Variants in SLX4IP observed in about 807,000 individuals in gnomAD.
SLX4IP encodes SLX4 interacting protein, also known as protein SLX4IP.
Under a neutral mutation model 32.9 loss-of-function variants are expected in SLX4IP, and 34 were observed. That is an observed-to-expected ratio of 1.03 (90% CI 0.79 to 1.38). The LOEUF is 1.38. SLX4IP is among the 40% of genes most tolerant of loss of function. SLX4IP has a pLI of 0.00. For missense variants in SLX4IP, 444 were observed against 479.0 expected (o/e 0.93, Z 0.68); for synonymous variants, 172 against 171.7 (o/e 1.00, Z -0.01).
At position 10,556,230 on chromosome 20, in the gene SLX4IP, G is replaced by C. The variant is rs1451489816; in HGVS notation, c.28-1G>C. The C allele has an allele frequency of 6.2e-7, 1 of 1,613,070 alleles. No individual in the cohort carries two copies. Among genetic ancestry groups the C allele is most frequent in the East Asian group, 2.2e-5 (1 of 44,850 alleles). ...CTGACTCTGCCATTAATGTCTTTCAGTGTGGGAATTTTGCTGTCCTCGTGG... is the reference window on the plus strand; with the variant it reads ...CTGACTCTGCCATTAATGTCTTTCACTGTGGGAATTTTGCTGTCCTCGTGG... On this transcript the variant is annotated splice_acceptor_variant, in intron 2 of 7. Coordinates refer to ENST00000334534, the MANE Select transcript of SLX4IP (RefSeq NM_001009608.3). LOFTEE classifies it high-confidence loss of function.
chr20:10,463,770 G>A (rs554934955), intron 2 of SLX4IP, among the ~76,000 whole-genome samples: 52 of 152,246 alleles, frequency 3.4e-4, no homozygotes, highest in South Asian at 8.3e-4. Context: ...AGTATACTAC[G>A]TGGCTCAACT....
intron 2 of SLX4IP, among the ~76,000 whole-genome samples, chr20:10,475,198 C>G (rs1568698509): frequency 6.6e-6 from 1 of 151,792 alleles, no homozygotes; most frequent in Admixed American, 6.5e-5. Context: ...CGGCCACCAT[C>G]AGTTTGGTGT....
chr20:10,508,590 C>G (rs1482501734), intron 2 of SLX4IP, among the ~76,000 whole-genome samples: 1 of 152,156 alleles, frequency 6.6e-6, no homozygotes, highest in African/African-American at 2.4e-5. Flanking sequence ...CATTCATGCT[C>G]CCGGGGGCTG....
rs2067155881 is a variant in SLX4IP, at chr20:10,624,920, C to T, written c.*1541C>T. On this transcript the variant is annotated 3_prime_UTR_variant, in exon 8 of 8. Transcript: ENST00000334534. ...TACTGTTACTTTAATGTTCCAAACC[C>T]TGCCTAGAAACCTGTTCCTGTCCCA... is the stretch of plus-strand genomic sequence containing the variant. 1 of 152,286 alleles carries T rather than the reference C, an allele frequency of 6.6e-6. No homozygotes were observed. The highest frequency in any genetic ancestry group is 6.5e-5 in the Admixed American group (1 of 15,276). 9.4% of individuals were successfully genotyped at this position (152,286 alleles called of 1,614,324 possible).
chr20:10,539,225 T>C (rs577184025), intron 2 of SLX4IP, among the ~76,000 whole-genome samples: 1 of 152,200 alleles, frequency 6.6e-6, no homozygotes, highest in East Asian at 1.9e-4. Flanking sequence ...AAAAAGGCAT[T>C]CAAGGAGGAT....
chr20:10,574,765 C>T (rs527480371), intron 4 of SLX4IP, among the ~76,000 whole-genome samples: 1 of 152,224 alleles, frequency 6.6e-6, no homozygotes, highest in South Asian at 2.1e-4. Context: ...CACCACCTCC[C>T]AGGTTCAGGT....
intron 2 of SLX4IP, among the ~76,000 whole-genome samples, chr20:10,493,700 G>T (rs1177737939): frequency 6.6e-6 from 1 of 151,998 alleles, no homozygotes; most frequent in Non-Finnish European, 1.5e-5. Flanking sequence ...GACTTTAATG[G>T]AAATAATTTT....
At chr20:10,609,517 A>G (rs1367521408) in intron 6 of SLX4IP, among the ~76,000 whole-genome samples, 3 of 152,156 alleles carry the variant, frequency 2.0e-5, no homozygotes, top group Admixed American at 6.5e-5. Context: ...AAATGAGACA[A>G]TCATCTGTGG....
chr20:10,570,747 TG>T (rs2122513981), intron 4 of SLX4IP, among the ~76,000 whole-genome samples: 1 of 152,276 alleles, frequency 6.6e-6, no homozygotes, highest in Non-Finnish European at 1.5e-5. Context: ...CAGGCTGGTC[TG>T]GAACTCCTGA....
chr20:10,552,997 G>A (rs1185592522), intron 2 of SLX4IP, among the ~76,000 whole-genome samples: 1 of 152,116 alleles, frequency 6.6e-6, no homozygotes, highest in Non-Finnish European at 1.5e-5. Context: ...ATGTTTTACC[G>A]CTTTGGAAGG....
At chr20:10,579,677 T>C (rs639980) in intron 4 of SLX4IP, among the ~76,000 whole-genome samples, 151,995 of 152,310 alleles carry the variant, frequency 1, 75,841 homozygotes, top group East Asian at 1. Context: ...CCACCCGCCT[T>C]GACCTCCCAA....
chr20:10,521,557 GCT>G (rs2065901232), intron 2 of SLX4IP, among the ~76,000 whole-genome samples: 1 of 152,054 alleles, frequency 6.6e-6, no homozygotes, highest in Admixed American at 6.6e-5. Context: ...TTCTTTTCCT[GCT>G]CAAGGCTACT....
At chr20:10,605,474 C>T (rs1410437999) in intron 6 of SLX4IP, among the ~76,000 whole-genome samples, 1 of 152,218 alleles carries the variant, frequency 6.6e-6, no homozygotes, top group Non-Finnish European at 1.5e-5. Context: ...TATTTTTCCA[C>T]TCTGCACCTG....
Position 10,534,658 on chromosome 20 carries a change from G to A in SLX4IP, c.28-21573G>A, listed in dbSNP as rs139316682. The stretch of plus-strand genomic sequence containing the variant: ...GTTCAGCTCCTGGCGCAGGGCTGGC[G>A]TCTGGGGTATGCTCAATAAATTAAA... On this transcript the variant is annotated intron_variant, in intron 2 of 7. Coordinates refer to ENST00000334534, the MANE Select transcript of SLX4IP (RefSeq NM_001009608.3). Among the ~76,000 whole-genome samples the A allele has an allele frequency of 2.0e-3, 304 of 152,240 alleles. 1 individual carries two copies. The highest frequency in any genetic ancestry group is 7.0e-3 in the African/African-American group (289 of 41,548).
chr20:10,524,151 T>C (rs1039388467), intron 2 of SLX4IP, among the ~76,000 whole-genome samples: 2 of 152,222 alleles, frequency 1.3e-5, no homozygotes, highest in African/African-American at 4.8e-5. Context: ...TGCTTTGTGA[T>C]GGAAGAGAGC....
At chr20:10,443,042 G>C (rs1201298040) in intron 1 of SLX4IP, among the ~76,000 whole-genome samples, 2 of 152,064 alleles carry the variant, frequency 1.3e-5, no homozygotes, top group Admixed American at 6.5e-5. Flanking sequence ...AGGATCTTCT[G>C]GGTATGTGTT....
chr20:10,491,896 A>G (rs1318575518), intron 2 of SLX4IP, among the ~76,000 whole-genome samples: 2 of 152,184 alleles, frequency 1.3e-5, no homozygotes, highest in African/African-American at 2.4e-5. Context: ...TTTTATTTCT[A>G]TATACATTTT....
intron 2 of SLX4IP, among the ~76,000 whole-genome samples, chr20:10,502,471 T>C (rs980038664): frequency 1.3e-5 from 2 of 152,214 alleles, no homozygotes; most frequent in African/African-American, 2.4e-5. Flanking sequence ...TGCATGTGCA[T>C]GCACACTCAC....
chr20:10,471,578 G>A (rs546317652), intron 2 of SLX4IP, among the ~76,000 whole-genome samples: 1 of 152,274 alleles, frequency 6.6e-6, no homozygotes, highest in Admixed American at 6.5e-5. Flanking sequence ...GTGGCAGGTG[G>A]TCAGGATTAG....
Sources: gnomAD v4.1 joint callset for allele counts (sites outside exome capture counted in the v4.1 genomes callset) on GRCh38, gnomAD v4.1.1 for gene constraint, MANE v1.5 for transcripts, NCBI Gene and HGNC (gene_info 2026-07-23, HGNC 2026-07-21) for gene names.